Variants in KIRREL3 observed in about 807,000 individuals in gnomAD.
KIRREL3 encodes kin of IRRE-like protein 3.
A neutral mutation model predicts 89.7 loss-of-function variants in KIRREL3; 36 were observed. That is an observed-to-expected ratio of 0.40 (90% CI 0.31 to 0.53). The LOEUF (loss-of-function observed/expected upper bound fraction) is 0.53, where lower values mean the gene tolerates loss of function less well. Ranked by LOEUF, KIRREL3 falls within the 20% of genes least tolerant of loss-of-function variation. The pLI is 0.49. For synonymous variants in KIRREL3, 445 were observed against 441.4 expected (o/e 1.01, Z -0.10); for missense variants, 864 against 1,056.6 (o/e 0.82, Z 2.53).
At chr11:126,959,932 A>C (rs1949036269) in intron 1 of KIRREL3, among the ~76,000 whole-genome samples, 1 of 152,152 alleles carries the variant, frequency 6.6e-6, no homozygotes, top group Non-Finnish European at 1.5e-5. Context: ...TGTTTGTATA[A>C]GCCTTTCTAC....
chr11:126,459,828 A>G lies in KIRREL3; in HGVS notation c.742+3329T>C, dbSNP rs1422220778. Among the ~76,000 whole-genome samples the G allele has an allele frequency of 6.6e-6, 1 of 152,184 alleles. No homozygotes were observed. The highest frequency in any genetic ancestry group is 1.5e-5 in the Non-Finnish European group (1 of 68,034). ...GTGATTTTGTAGCACATTCATTTGA[A>G]ACTTGGCAGCTGGACACAGAGTCCA... On this transcript the variant is annotated intron_variant, in intron 6 of 16. Transcript: ENST00000525144. The surrounding 1 kb of genome is among the most constrained non-coding windows in gnomAD (Gnocchi z 4.8).
At chr11:126,712,290 C>A (rs1384695941) in intron 1 of KIRREL3, among the ~76,000 whole-genome samples, 1 of 141,366 alleles carries the variant, frequency 7.1e-6, no homozygotes, top group East Asian at 2.0e-4. Flanking sequence ...TGTGTGCGCG[C>A]GTGCATGCAT....
At chr11:126,840,907 A>G (rs939769286) in intron 1 of KIRREL3, among the ~76,000 whole-genome samples, 4 of 152,242 alleles carry the variant, frequency 2.6e-5, no homozygotes, top group African/African-American at 9.6e-5. Flanking sequence ...AGTGCTTTCT[A>G]TAAGTGAAAA....
chr11:126,875,186 C>A (rs973183620), intron 1 of KIRREL3, among the ~76,000 whole-genome samples: 1 of 152,140 alleles, frequency 6.6e-6, no homozygotes, highest in Non-Finnish European at 1.5e-5. Context: ...CCATATATGA[C>A]CTTGTGTCCA....
intron 1 of KIRREL3, among the ~76,000 whole-genome samples, chr11:126,863,685 G>A (rs1271075178): frequency 2.6e-5 from 4 of 152,176 alleles, no homozygotes; most frequent in African/African-American, 9.6e-5. Flanking sequence ...GTGAGTGTGC[G>A]CCTGTGTGTA....
chr11:126,832,440 C>T (rs184127666), intron 1 of KIRREL3, among the ~76,000 whole-genome samples: 136 of 152,288 alleles, frequency 8.9e-4, no homozygotes, highest in South Asian at 3.1e-3. Context: ...CCTGGAAATG[C>T]TTGTACATAA....
intron 2 of KIRREL3, among the ~76,000 whole-genome samples, chr11:126,529,293 G>A (rs1475635612): frequency 6.6e-6 from 1 of 152,210 alleles, no homozygotes; most frequent in Non-Finnish European, 1.5e-5. Context: ...CCAGGCTCTG[G>A]AGGAAGGCAA....
At chr11:126,556,022 G>C (rs907087621) in intron 2 of KIRREL3, among the ~76,000 whole-genome samples, 3 of 152,332 alleles carry the variant, frequency 2.0e-5, no homozygotes, top group African/African-American at 7.2e-5. Context: ...GATTATAGGC[G>C]TGAGCCACCG....
intron 1 of KIRREL3, among the ~76,000 whole-genome samples, chr11:126,785,033 T>A (rs1348474807): frequency 6.6e-6 from 1 of 152,134 alleles, no homozygotes. Context: ...AGGGGGATAG[T>A]GTTCTTATGG....
At position 126,969,203 on chromosome 11, in the gene KIRREL3, C is replaced by T. The variant is rs1035740823; in HGVS notation, c.55+31252G>A. Among the ~76,000 whole-genome samples the T allele has an allele frequency of 3.3e-5, 5 of 152,100 alleles. No individual in the cohort carries two copies. The highest frequency in any genetic ancestry group is 5.9e-5 in the Non-Finnish European group (4 of 68,016). ...CCTGGGGCAAAAGAGTCCGTAGATA[C>T]CGCAGTCAAGGGGCGATTCACTCCA... On this transcript the variant is annotated intron_variant, in intron 1 of 16. Coordinates refer to ENST00000525144, the MANE Select transcript of KIRREL3 (RefSeq NM_032531.4). This position sits in a 1 kb window ranked among gnomAD's most constrained non-coding sequence, Gnocchi z 4.9.
intron 1 of KIRREL3, among the ~76,000 whole-genome samples, chr11:126,861,310 A>G (rs949921984): frequency 6.6e-6 from 1 of 152,134 alleles, no homozygotes; most frequent in Non-Finnish European, 1.5e-5. Context: ...CTAGAGGTAC[A>G]AAGGAAGGAG....
chr11:126,908,374 C>T lies in KIRREL3; in HGVS notation c.55+92081G>A, dbSNP rs1946671257. Among the ~76,000 whole-genome samples, 1 of 152,202 alleles carries T rather than the reference C, an allele frequency of 6.6e-6. No homozygotes were observed. Among genetic ancestry groups the T allele is most frequent in the African/African-American group, 2.4e-5 (1 of 41,438 alleles). ...CCAAAGCAAGGACTCCGAAGCAGGA[C>T]TGCTTGTGTTCAAAACTGGCCTCCA... On this transcript the variant is annotated intron_variant, in intron 1 of 16. Coordinates refer to ENST00000525144, the MANE Select transcript of KIRREL3 (RefSeq NM_032531.4). The surrounding 1 kb of genome is among the most constrained non-coding windows in gnomAD (Gnocchi z 4.2).
intron 1 of KIRREL3, among the ~76,000 whole-genome samples, chr11:126,828,110 T>C (rs1279729482): frequency 1.3e-5 from 2 of 152,210 alleles, no homozygotes; most frequent in Non-Finnish European, 2.9e-5. Flanking sequence ...GTGCATGACA[T>C]ATGGTAAATA....
chr11:126,951,098 G>A (rs556039923), intron 1 of KIRREL3, among the ~76,000 whole-genome samples: 3 of 152,322 alleles, frequency 2.0e-5, no homozygotes, highest in African/African-American at 7.2e-5. Context: ...GATAATCCCA[G>A]GCTCTGGAGG....
chr11:126,450,236 T>C (rs1372316210), intron 7 of KIRREL3, among the ~76,000 whole-genome samples: 1 of 150,444 alleles, frequency 6.6e-6, no homozygotes, highest in Non-Finnish European at 1.5e-5. Flanking sequence ...CACGTGTGCA[T>C]ATGAATATGC....
At chr11:126,923,186 T>C (rs1237952883) in intron 1 of KIRREL3, among the ~76,000 whole-genome samples, 2 of 24,676 alleles carry the variant, frequency 8.1e-5, no homozygotes, top group African/African-American at 1.8e-4. Flanking sequence ...CTCTTCTTCT[T>C]CTCTTCTTCT....
At position 126,527,589 on chromosome 11, in the gene KIRREL3, A is replaced by G. The variant is rs1406738951; in HGVS notation, c.134-902T>C. On this transcript the variant is annotated intron_variant, in intron 2 of 16. Coordinates refer to ENST00000525144, the MANE Select transcript of KIRREL3 (RefSeq NM_032531.4). The surrounding 1 kb of genome is among the most constrained non-coding windows in gnomAD (Gnocchi z 4.2). ...AGGCACAGGGAGGTGAAAAATAGTA[A>G]TGGGAGCTGTGCTTGTGAATTGCTC... Among the ~76,000 whole-genome samples the G allele has an allele frequency of 6.6e-6, 1 of 152,182 alleles. No homozygotes were observed. The highest frequency in any genetic ancestry group is 2.4e-5 in the African/African-American group (1 of 41,450).
chr11:126,937,434 C>T (rs965014208), intron 1 of KIRREL3, among the ~76,000 whole-genome samples: 8 of 152,186 alleles, frequency 5.3e-5, no homozygotes, highest in African/African-American at 9.6e-5. Context: ...ATGTGGCAGG[C>T]GCTCTTGGTT....
rs528314346 is a variant in KIRREL3 at position 126,783,437 on chromosome 11, T to A, written c.55+217018A>T. Among the ~76,000 whole-genome samples, 5 of 152,198 alleles carry A rather than the reference T, an allele frequency of 3.3e-5. No individual in the cohort carries two copies. Among genetic ancestry groups the A allele is most frequent in the Non-Finnish European group, 7.3e-5 (5 of 68,046 alleles). ...TAAGGTCATATTCTGTGGTATTGGG[T>A]GTTAGGACTTCAACATATTATATTT... On this transcript the variant is annotated intron_variant, in intron 1 of 16. Coordinates refer to ENST00000525144, the MANE Select transcript of KIRREL3 (RefSeq NM_032531.4). The surrounding 1 kb of genome is among the most constrained non-coding windows in gnomAD (Gnocchi z 4.3).
Sources: allele counts gnomAD v4.1 joint callset (sites outside exome capture counted in the v4.1 genomes callset), GRCh38; gene constraint gnomAD v4.1.1; non-coding constraint Gnocchi (gnomAD v3.1); transcripts MANE v1.5; gene names NCBI Gene and HGNC (gene_info 2026-07-23, HGNC 2026-07-21).